Variants in GPR179 observed in about 807,000 individuals in gnomAD.
GPR179 encodes the protein G protein-coupled receptor 179.
GPR179 carries 52 observed loss-of-function variants against 70.8 expected under a neutral mutation model. That is an observed-to-expected ratio of 0.73 (90% confidence interval 0.59 to 0.93). The LOEUF is 0.93. GPR179 is among the 40% of genes least tolerant of loss of function. The pLI is 0.00. For missense variants in GPR179, 2,734 were observed against 2,966.8 expected, an observed-to-expected ratio of 0.92 and a Z score of 1.82; for synonymous variants, 1,123 against 1,169.0, an observed-to-expected ratio of 0.96 and a Z score of 0.80.
At position 38,326,614 on chromosome 17, in the gene GPR179, C is replaced by T. The variant is rs764647907; in HGVS notation, c.6955G>A (p.Glu2319Lys). 1.5e-5 allele frequency: 25 copies of T among 1,614,212 alleles called. No individual in the cohort carries two copies. The highest frequency in any genetic ancestry group is 2.0e-5 in the Non-Finnish European group (24 of 1,180,040). Reference sequence around the variant, plus strand: ...TCTGGGGCTAAGCTGGTCCTTGGCTCAAGCCCTGAAGGTCCTTGTAGTTCT... The same window carrying T: ...TCTGGGGCTAAGCTGGTCCTTGGCTTAAGCCCTGAAGGTCCTTGTAGTTCT... ...VRELQGPSGL[E>K]PRTSLAPEPS... The change falls in exon 11 of 11, where the codon GAG (glutamate) becomes AAG (lysine). Residue 2319 changes from glutamate to lysine, a missense_variant. Coordinates refer to ENST00000616987, the MANE Select transcript of GPR179 (RefSeq NM_001004334.4).
Position 38,337,708 on chromosome 17 carries a change from C to A in GPR179, c.916G>T (p.Glu306Ter). 1 of 1,613,412 alleles carries A rather than the reference C, an allele frequency of 6.2e-7. No individual in the cohort carries two copies. The highest frequency in any genetic ancestry group is 1.1e-5 in the South Asian group (1 of 91,014). The stretch of plus-strand genomic sequence containing the variant: ...CGGCCAAGAACAAAGCCCTGACTCT[C>A]CAGGGGGACACACTATGGGGACAAC... ...DLNSTQCVPLESQGFVLGRYL... is the reference protein window; with the variant it reads ...DLNSTQCVPL The change falls in exon 3 of 11, where the codon GAG (glutamate) becomes TAG (stop). Residue 306 changes from glutamate (E) to a stop codon, truncating the protein, a stop_gained. Transcript: ENST00000616987. LOFTEE classifies it high-confidence loss of function.
chr17:38,342,808 G>A (rs2037460104), intron 1 of GPR179, among the ~76,000 whole-genome samples, 188 bp downstream of exon 1: 1 of 152,244 alleles, frequency 6.6e-6, no homozygotes, highest in African/African-American at 2.4e-5. Context: ...ACCTGTATGT[G>A]TTAACAGATA....
chr17:38,330,742 C>A lies in GPR179; in HGVS notation c.2827G>T (p.Ala943Ser). The A allele has an allele frequency of 6.3e-7, 1 of 1,587,892 alleles. No individual in the cohort carries two copies. Among genetic ancestry groups the A allele is most frequent in the Non-Finnish European group, 8.6e-7 (1 of 1,164,778 alleles). Residue 943 changes from alanine to serine, a missense_variant, in exon 11 of 11, where the codon GCC (alanine) becomes TCC (serine). Ala to Ser is a moderately conservative substitution (Grantham distance 99, BLOSUM62 1). Coordinates refer to ENST00000616987, the MANE Select transcript of GPR179 (RefSeq NM_001004334.4). The part of the protein sequence containing the change: ...IRHQVSTPIL[A>S]LSGGLGEPRM... ...GGCTCTCCCAGGCCCCCAGACAGGG[C>A]CAAGATGGGGGTAGAAACCTGGTGC...
At position 38,331,398 on chromosome 17, in the gene GPR179, GC is replaced by G; in HGVS notation, c.2170del (p.Ala724ArgfsTer67). ...GLGRSFMRYL[A>X]EFPEALARQH... ...CCTGGCCAGGGCCTCGGGGAATTCC[GC>G]CAGGTACCTCATGAAGGAGCGGCCC... On this transcript the variant is annotated frameshift_variant, in exon 11 of 11. Coordinates refer to ENST00000616987, the MANE Select transcript of GPR179 (RefSeq NM_001004334.4). LOFTEE classifies it low-confidence loss of function (END_TRUNC). 6.2e-7 allele frequency: 1 copy of G among 1,614,072 alleles called. No homozygotes were observed.
rs1242969299 is a variant in GPR179 at position 38,329,664 on chromosome 17, A to G, written c.3905T>C (p.Val1302Ala). The G allele has an allele frequency of 6.2e-7, 1 of 1,614,158 alleles. No individual in the cohort carries two copies. The highest frequency in any genetic ancestry group is 2.2e-5 in the East Asian group (1 of 44,870). Residue 1302 changes from valine to alanine, a missense_variant, in exon 11 of 11, where the codon GTG (valine) becomes GCG (alanine). By Grantham distance (64) the Val-to-Ala change is moderately conservative (BLOSUM62 0). Transcript: ENST00000616987. ...TGGCTTTTTCCGCATCATGGGAACC[A>G]CATCTATGGGCTCTGATTTTCCCCG... ...EARGKSEPIDVVPMMRKKPER... is the reference protein window; with the variant it reads ...EARGKSEPIDAVPMMRKKPER...
At position 38,330,711 on chromosome 17, in the gene GPR179, A is replaced by G. The variant is rs768484296; in HGVS notation, c.2858T>C (p.Met953Thr). Residue 953 changes from methionine to threonine, a missense_variant, in exon 11 of 11, where the codon ATG (methionine) becomes ACG (threonine). Coordinates refer to ENST00000616987, the MANE Select transcript of GPR179 (RefSeq NM_001004334.4). Reference protein sequence around the residue: ...ALSGGLGEPRMLSPTSTLAPA... With the variant: ...ALSGGLGEPRTLSPTSTLAPA... ...AGCCAAGGTGGAGGTGGGAGATAGCATCCTTGGCTCTCCCAGGCCCCCAGA... is the reference window on the plus strand; with the variant it reads ...AGCCAAGGTGGAGGTGGGAGATAGCGTCCTTGGCTCTCCCAGGCCCCCAGA... 2 of 1,594,874 alleles carry G rather than the reference A, an allele frequency of 1.3e-6. No individual in the cohort carries two copies. Among genetic ancestry groups the G allele is most frequent in the Non-Finnish European group, 1.7e-6 (2 of 1,168,334 alleles).
Position 38,331,457 on chromosome 17 carries a change from C to T in GPR179, c.2112G>A (p.Leu704=). 4.3e-6 allele frequency: 7 copies of T among 1,614,154 alleles called. No homozygotes were observed. Among genetic ancestry groups the T allele is most frequent in the Non-Finnish European group, 5.9e-6 (7 of 1,179,990 alleles). The change falls in exon 11 of 11, where the codon CTG becomes CTA. Residue 704 remains leucine (L), a synonymous_variant. Coordinates refer to ENST00000616987, the MANE Select transcript of GPR179 (RefSeq NM_001004334.4). ...TKEMAANNPH[L]PKKRGSSCQG... ...GGCATGAGCTGCCTCGCTTCTTGGG[C>T]AGGTGGGGGTTGTTTGCGGCCATTT...
chr17:38,331,820 G>T (rs1046260831), intron 10 of GPR179, among the ~76,000 whole-genome samples: 2 of 152,118 alleles, frequency 1.3e-5, no homozygotes, highest in Admixed American at 1.3e-4. Context: ...CACTCAATAT[G>T]CTGTGTCCCT....
Position 38,334,675 on chromosome 17 carries a change from G to C in GPR179, c.1784+29C>G, listed in dbSNP as rs1361308166. On this transcript the variant is annotated intron_variant, in intron 8 of 10. Transcript: ENST00000616987. The surrounding 1 kb of genome is among the most constrained non-coding windows in gnomAD (Gnocchi z 4.7). Reference sequence around the variant, plus strand: ...GTGAGGAGTACTGTTAGAGTGGAAGGGGGTGTGGGGAGGTGAGTCCGTCCT... The same window carrying C: ...GTGAGGAGTACTGTTAGAGTGGAAGCGGGTGTGGGGAGGTGAGTCCGTCCT... 1.2e-6 allele frequency: 2 copies of C among 1,610,078 alleles called. No individual in the cohort carries two copies. Among genetic ancestry groups the C allele is most frequent in the Non-Finnish European group, 8.5e-7 (1 of 1,177,216 alleles).
Position 38,329,275 on chromosome 17 carries a change from T to G in GPR179, c.4294A>C (p.Ser1432Arg), listed in dbSNP as rs2037325491. ...GDLESLCPWE[S>R]TDFRGPSAVS... ...GCTGAGGGGCCCCGGAAATCTGTAC[T>G]CTCCCATGGACAAAGAGACTCCAAG... The change falls in exon 11 of 11, where the codon AGT becomes CGT. Residue 1432 changes from serine to arginine, a missense_variant. Ser to Arg is a moderately radical substitution (Grantham distance 110). Transcript: ENST00000616987. 6.2e-7 allele frequency: 1 copy of G among 1,613,490 alleles called. No homozygotes were observed. The highest frequency in any genetic ancestry group is 1.3e-5 in the African/African-American group (1 of 74,972).
chr17:38,343,216 G>A lies in GPR179; in HGVS notation c.574C>T (p.Leu192=). Residue 192 remains leucine, a synonymous_variant, in exon 1 of 11, where the codon CTG becomes TTG. Transcript: ENST00000616987. The surrounding 1 kb of genome is among the most constrained non-coding windows in gnomAD (Gnocchi z 4.2). ...CGCTTCTTCAGGGCAGGGGTGTCCAGGTCCCCAGGAGGGTTCTCCTCCTGC... is the reference window on the plus strand; with the variant it reads ...CGCTTCTTCAGGGCAGGGGTGTCCAAGTCCCCAGGAGGGTTCTCCTCCTGC... ...WVQEENPPGD[L]DTPALKKRVL... The A allele has an allele frequency of 6.2e-7, 1 of 1,614,116 alleles. No individual in the cohort carries two copies. Among genetic ancestry groups the A allele is most frequent in the Non-Finnish European group, 8.5e-7 (1 of 1,179,986 alleles).
Position 38,329,472 on chromosome 17 carries a change from G to T in GPR179, c.4097C>A (p.Ala1366Asp), listed in dbSNP as rs753838772. The T allele has an allele frequency of 1.2e-6, 2 of 1,614,032 alleles. No homozygotes were observed. Among genetic ancestry groups the T allele is most frequent in the South Asian group, 2.2e-5 (2 of 91,070 alleles). Residue 1366 changes from alanine (A) to aspartate (D), a missense_variant, in exon 11 of 11, where the codon GCT (alanine) becomes GAT (aspartate). Physicochemically the swap from Ala to Asp is moderately radical, Grantham distance 126. Transcript: ENST00000616987. Reference sequence around the variant, plus strand: ...GTCAGGGGTATGAGCTTCTGGGCCAGCAGCTTCCCACCCAGGCTTCTCCAC... The same window carrying T: ...GTCAGGGGTATGAGCTTCTGGGCCATCAGCTTCCCACCCAGGCTTCTCCAC... ...RKVEKPGWEAAGPEAHTPDIT... is the reference protein window; with the variant it reads ...RKVEKPGWEADGPEAHTPDIT...
At position 38,328,507 on chromosome 17, in the gene GPR179, T is replaced by C. The variant is rs2037314391; in HGVS notation, c.5062A>G (p.Ile1688Val). 2 of 1,612,492 alleles carry C rather than the reference T, an allele frequency of 1.2e-6. No homozygotes were observed. Among genetic ancestry groups the C allele is most frequent in the South Asian group, 2.2e-5 (2 of 91,010 alleles). Reference sequence around the variant, plus strand: ...TTTTCCTCCACATCCAAAGGGCAAATGTCGGCAGCTTTGCTTCCCACACTG... The same window carrying C: ...TTTTCCTCCACATCCAAAGGGCAAACGTCGGCAGCTTTGCTTCCCACACTG... ...SGSVGSKAAD[I>V]CPLDVEENLT... Residue 1688 changes from isoleucine to valine, a missense_variant, in exon 11 of 11, where the codon ATT becomes GTT. Transcript: ENST00000616987.
intron 4 of GPR179, 57 bp from the exon 5 acceptor site, chr17:38,336,201 C>T (rs759421343): frequency 3.3e-6 from 4 of 1,201,662 alleles, no homozygotes; most frequent in Non-Finnish European, 5.0e-6. Flanking sequence ...TCTAGAGGCT[C>T]TCAGGCCTAT....
At position 38,333,840 on chromosome 17, in the gene GPR179, T is replaced by C. The variant is rs1597666059; in HGVS notation, c.1890+93A>G. 3 of 926,436 alleles carry C rather than the reference T, an allele frequency of 3.2e-6. No individual in the cohort carries two copies. In the East Asian group the frequency reaches 7.8e-5, roughly 24 times the overall value. The allele number at this position is 926,436 out of a possible 1,614,324, so 57.4% of individuals were successfully genotyped here. A position where few individuals can be genotyped will look rare whatever the true frequency, so the allele number is the denominator to read the frequency against. On this transcript the variant is annotated intron_variant, in intron 9 of 10. Transcript: ENST00000616987. ...CCAGCACCTTCTGTCGTCCTCACCC[T>C]GGCCTGCAGAGGGCGCTGCGGGACA... is the stretch of plus-strand genomic sequence containing the variant.
In GPR179 at chr17:38,333,977, G is replaced by C. The variant is rs979384528; in HGVS notation, c.1846C>G (p.His616Asp). The stretch of plus-strand genomic sequence containing the variant: ...GCCAGCGTGGTGGTGACTGTGCTGT[G>C]GGTGTGGAAGAAGAAGAGGAGGAGG... ...WTLLLFFFHT[H>D]STVTTTLALI... Residue 616 changes from histidine to aspartate, a missense_variant, in exon 9 of 11, where the codon CAC becomes GAC. By Grantham distance (81) the His-to-Asp change is moderately conservative (BLOSUM62 -1). Transcript: ENST00000616987. 6.2e-7 allele frequency: 1 copy of C among 1,613,872 alleles called. No individual in the cohort carries two copies. Among genetic ancestry groups the C allele is most frequent in the Non-Finnish European group, 8.5e-7 (1 of 1,179,862 alleles).
At position 38,333,358 on chromosome 17, in the gene GPR179, C is replaced by T. The variant is rs752900382; in HGVS notation, c.1930G>A (p.Asp644Asn). Residue 644 changes from aspartate (D) to asparagine (N), a missense_variant, in exon 10 of 11, where the codon GAT (aspartate) becomes AAT (asparagine). By Grantham distance (23) the Asp-to-Asn change is conservative. Coordinates refer to ENST00000616987, the MANE Select transcript of GPR179 (RefSeq NM_001004334.4). ...TCCAGCTCGTCCTCACACACCTCAT[C>T]CACCATCTCCTCCCGGGGAGGAGCC... is the stretch of plus-strand genomic sequence containing the variant. ...LGAPPREEMV[D>N]EVCEDELDLQ... is the part of the protein sequence containing the mutation. 1.2e-6 allele frequency: 2 copies of T among 1,614,090 alleles called. No individual in the cohort carries two copies. Among genetic ancestry groups the T allele is most frequent in the Non-Finnish European group, 1.7e-6 (2 of 1,179,998 alleles).
chr17:38,339,275 GC>G, intron 2 of GPR179, 141 bp downstream of exon 2: 1 of 595,872 alleles, frequency 1.7e-6, no homozygotes, highest in Non-Finnish European at 3.0e-6. Context: ...TCTCACCTCT[GC>G]CAATCACTAG....
rs1165700357 is a variant in GPR179, at chr17:38,327,751, C to G, written c.5818G>C (p.Glu1940Gln). The G allele has an allele frequency of 6.2e-7, 1 of 1,614,068 alleles. No individual in the cohort carries two copies. The highest frequency in any genetic ancestry group is 8.5e-7 in the Non-Finnish European group (1 of 1,180,048). ...TQEKAPAADT[E>Q]EFTTEDGEKT... ...TCCCCATCTTCAGTAGTGAATTCTT[C>G]TGTGTCTGCAGCTGGAGCTTTTTCT... Residue 1940 changes from glutamate (E) to glutamine (Q), a missense_variant, in exon 11 of 11, where the codon GAA (glutamate) becomes CAA (glutamine). Glu to Gln is a conservative substitution (Grantham distance 29). Coordinates refer to ENST00000616987, the MANE Select transcript of GPR179 (RefSeq NM_001004334.4).
Sources: gnomAD v4.1 joint callset for allele counts (sites outside exome capture counted in the v4.1 genomes callset) on GRCh38, gnomAD v4.1.1 for gene constraint, Gnocchi (gnomAD v3.1) non-coding constraint, MANE v1.5 for transcripts, NCBI Gene and HGNC (gene_info 2026-07-23, HGNC 2026-07-21) for gene names.